Variants in PCDHGA1 observed in about 807,000 individuals in gnomAD.
PCDHGA1 encodes protocadherin gamma subfamily A, 1, also known as protocadherin gamma-A1.
A neutral mutation model predicts 58.0 loss-of-function variants in PCDHGA1; 32 were observed. That is an observed-to-expected ratio of 0.55 (90% CI 0.42 to 0.74). The LOEUF is 0.74. Among genes scored for constraint, PCDHGA1 ranks in the 30% least tolerant of loss-of-function variants. The pLI is 0.00. For synonymous variants in PCDHGA1, 498 were observed against 501.1 expected, an observed-to-expected ratio of 0.99 and a Z score of 0.08; for missense variants, 1,205 against 1,182.3, an observed-to-expected ratio of 1.02 and a Z score of -0.28.
chr5:141,361,653 C>A, intron 1 of PCDHGA1: 2 of 1,613,770 alleles, frequency 1.2e-6, no homozygotes, highest in Non-Finnish European at 1.7e-6. Context: ...CCTACGTGTC[C>A]GTGAGCGCGC....
chr5:141,448,204 C>G (rs757249025), intron 1 of PCDHGA1, among the ~76,000 whole-genome samples: 28 of 152,124 alleles, frequency 1.8e-4, no homozygotes, highest in South Asian at 4.1e-4. Flanking sequence ...CAAACATTTT[C>G]TGTGTGTATG....
intron 1 of PCDHGA1, chr5:141,408,334 C>T (rs2095086638): frequency 1.2e-6 from 2 of 1,613,910 alleles, no homozygotes; most frequent in East Asian, 2.2e-5. Context: ...TGGCCAAGGG[C>T]TCGGTGGTGG....
chr5:141,361,093 G>A (rs1160500738), intron 1 of PCDHGA1: 2 of 1,613,846 alleles, frequency 1.2e-6, no homozygotes, highest in East Asian at 2.2e-5. Context: ...TCTGAGTATC[G>A]AAGCAAAAGA....
At chr5:141,345,752 T>G (rs768879399) in intron 1 of PCDHGA1, 5 of 1,614,166 alleles carry the variant, frequency 3.1e-6, no homozygotes, top group South Asian at 2.2e-5. Context: ...ACGGTTCCAC[T>G]GGCGTGGAGC....
chr5:141,469,853 G>A (rs549678022), intron 1 of PCDHGA1, among the ~76,000 whole-genome samples: 5 of 152,270 alleles, frequency 3.3e-5, no homozygotes, highest in South Asian at 2.1e-4. Context: ...GATTCAGACC[G>A]GGTGCAATGG....
At chr5:141,457,475 G>T (rs1203288452) in intron 1 of PCDHGA1, among the ~76,000 whole-genome samples, 1 of 152,142 alleles carries the variant, frequency 6.6e-6, no homozygotes, top group East Asian at 1.9e-4. Flanking sequence ...AATAAGCAGG[G>T]CCAGGGTTAG....
At chr5:141,365,131 G>A (rs751303366) in intron 1 of PCDHGA1, 2 of 1,613,854 alleles carry the variant, frequency 1.2e-6, no homozygotes, top group East Asian at 2.2e-5. Flanking sequence ...TAACCGCCAC[G>A]GATCCAGATG....
chr5:141,346,590 C>T, intron 1 of PCDHGA1: 4 of 1,363,694 alleles, frequency 2.9e-6, no homozygotes, highest in Non-Finnish European at 4.0e-6. Context: ...ATTTGTCCCC[C>T]TTTCTTTCTG....
intron 1 of PCDHGA1, among the ~76,000 whole-genome samples, chr5:141,450,162 A>T (rs2098671900): frequency 6.6e-6 from 1 of 151,624 alleles, no homozygotes; most frequent in Admixed American, 6.6e-5. Flanking sequence ...ATGTGCCACC[A>T]CACTCCCACC....
rs1562144438 is a variant in PCDHGA1, at chr5:141,491,135, G to A, written c.2422-3672G>A. On this transcript the variant is annotated intron_variant, in intron 1 of 3. Transcript: ENST00000517417. The surrounding 1 kb of genome is among the most constrained non-coding windows in gnomAD (Gnocchi z 6.9). Reference sequence around the variant, plus strand: ...CACACTGGTGAGGTGCGCACAGCCCGGGCCTTACTGGAGGATGACTCTGAC... The same window carrying A: ...CACACTGGTGAGGTGCGCACAGCCCAGGCCTTACTGGAGGATGACTCTGAC... 4 of 1,614,104 alleles carry A rather than the reference G, an allele frequency of 2.5e-6. No homozygotes were observed. The highest frequency in any genetic ancestry group is 1.3e-5 in the African/African-American group (1 of 75,034).
Position 141,431,431 on chromosome 5 carries a change from C to T in PCDHGA1, c.2422-63376C>T, listed in dbSNP as rs776557037. ...ACGGGGGCGACCCGGTGCGCACAGG[C>T]ACCGCGCGCATCCGCGTGATGGTTC... is the stretch of plus-strand genomic sequence containing the variant. On this transcript the variant is annotated intron_variant, in intron 1 of 3. Transcript: ENST00000517417. This position sits in a 1 kb window ranked among gnomAD's most constrained non-coding sequence, Gnocchi z 4.8. 11 of 1,613,586 alleles carry T rather than the reference C, an allele frequency of 6.8e-6. No individual in the cohort carries two copies. The East Asian group carries it at 1.1e-4, about 16-fold the overall frequency.
chr5:141,469,510 G>T (rs1022804863), intron 1 of PCDHGA1, among the ~76,000 whole-genome samples: 3 of 152,118 alleles, frequency 2.0e-5, no homozygotes, highest in African/African-American at 7.2e-5. Context: ...GGGAGGTGGA[G>T]GTTGCAGTGA....
At chr5:141,464,228 G>A (rs1196103285) in intron 1 of PCDHGA1, among the ~76,000 whole-genome samples, 1 of 148,156 alleles carries the variant, frequency 6.7e-6, no homozygotes, top group African/African-American at 2.5e-5. Context: ...TTGCGCCACT[G>A]CACTCCAGCC....
intron 1 of PCDHGA1, chr5:141,357,114 C>G (rs1464879895): frequency 6.2e-7 from 1 of 1,613,822 alleles, no homozygotes; most frequent in South Asian, 1.1e-5. Context: ...GAGACGCGCT[C>G]AAGCAGAGGC....
chr5:141,374,230 C>T lies in PCDHGA1; in HGVS notation c.2421+41125C>T. On this transcript the variant is annotated intron_variant, in intron 1 of 3. Coordinates refer to ENST00000517417, the MANE Select transcript of PCDHGA1 (RefSeq NM_018912.3). ...AAGGCTCCTTCGTAGGCAACATCGTCAAGGATCTGGGACTGGAGCCCCAGG... is the reference window on the plus strand; with the variant it reads ...AAGGCTCCTTCGTAGGCAACATCGTTAAGGATCTGGGACTGGAGCCCCAGG... 2 of 1,613,996 alleles carry T rather than the reference C, an allele frequency of 1.2e-6. 1 individual carries two copies. Among genetic ancestry groups the T allele is most frequent in the East Asian group, 4.5e-5 (2 of 44,882 alleles).
intron 1 of PCDHGA1, chr5:141,351,947 C>T: frequency 2.5e-6 from 4 of 1,613,112 alleles, no homozygotes; most frequent in Non-Finnish European, 3.4e-6. Context: ...GTACCCCGCG[C>T]TGGGGCCTGA....
At position 141,487,505 on chromosome 5, in the gene PCDHGA1, G is replaced by GTA; in HGVS notation, c.2422-7302_2422-7301insTA. The GTA allele has an allele frequency of 1.2e-6, 2 of 1,614,200 alleles. No homozygotes were observed. The highest frequency in any genetic ancestry group is 1.7e-6 in the Non-Finnish European group (2 of 1,180,032). ...TCATGGCTGTACACCCTTGGCTTCTGCACCCACTCGGAGTGATAGCTTCAT... is the reference window on the plus strand; with the variant it reads ...TCATGGCTGTACACCCTTGGCTTCTGTACACCCACTCGGAGTGATAGCTTCAT... On this transcript the variant is annotated intron_variant, in intron 1 of 3. Coordinates refer to ENST00000517417, the MANE Select transcript of PCDHGA1 (RefSeq NM_018912.3). This position sits in a 1 kb window ranked among gnomAD's most constrained non-coding sequence, Gnocchi z 5.0.
At chr5:141,496,373 C>T (rs1315450867) in intron 2 of PCDHGA1, among the ~76,000 whole-genome samples, 2 of 152,216 alleles carry the variant, frequency 1.3e-5, no homozygotes. Flanking sequence ...GAAGCAGGAG[C>T]TTGGGCCACC....
chr5:141,412,301 T>C (rs925243467), intron 1 of PCDHGA1: 3 of 152,260 alleles, frequency 2.0e-5, no homozygotes, highest in Non-Finnish European at 2.9e-5. Context: ...TCTTTTCTCA[T>C]TACAATGCAA....
Sources: allele counts gnomAD v4.1 joint callset (sites outside exome capture counted in the v4.1 genomes callset), GRCh38; gene constraint gnomAD v4.1.1; non-coding constraint Gnocchi (gnomAD v3.1); transcripts MANE v1.5; gene names NCBI Gene and HGNC (gene_info 2026-07-23, HGNC 2026-07-21).